POU2F1: variants seen among roughly 807,000 people sequenced by gnomAD.
POU2F1 encodes the protein POU domain, class 2, transcription factor 1.
Under a neutral mutation model 84.9 loss-of-function variants are expected in POU2F1, and 16 were observed. The ratio of observed to expected loss-of-function variants is 0.19; its 90% confidence interval spans 0.13 to 0.29. POU2F1 has a LOEUF of 0.29. Ranked by LOEUF, POU2F1 falls within the 10% of genes least tolerant of loss-of-function variation. POU2F1 has a pLI of 1.00. For synonymous variants in POU2F1, 368 were observed against 368.3 expected (o/e 1.00, Z 0.01); for missense variants, 738 against 942.6 (o/e 0.78, Z 2.84).
At chr1:167,236,787 A>G (rs1649491030) in intron 1 of POU2F1, among the ~76,000 whole-genome samples, 1 of 152,138 alleles carries the variant, frequency 6.6e-6, no homozygotes, top group South Asian at 2.1e-4. Flanking sequence ...GGAGAGTCAT[A>G]CCCTACTCTT....
At chr1:167,237,766 A>AAATTTTTTTTTTTT (rs1557836583) in intron 1 of POU2F1, among the ~76,000 whole-genome samples, 2 of 58,034 alleles carry the variant, frequency 3.4e-5, no homozygotes, top group Non-Finnish European at 6.6e-5. Context: ...ATATATATAT[A>AAATTTTTTTTTTTT]TATATATTTT....
At chr1:167,283,314 AAAAG>A (rs1330121120) in intron 1 of POU2F1, among the ~76,000 whole-genome samples, 1 of 152,152 alleles carries the variant, frequency 6.6e-6, no homozygotes, top group Non-Finnish European at 1.5e-5. Flanking sequence ...GAGGAAAAAA[AAAAG>A]AGGAAGAAGA....
chr1:167,229,311 T>G (rs1209491146), intron 1 of POU2F1, among the ~76,000 whole-genome samples: 1 of 152,074 alleles, frequency 6.6e-6, no homozygotes, highest in Non-Finnish European at 1.5e-5. Context: ...GTAGGGATGT[T>G]GGGAAAAGGA....
chr1:167,221,005 G>A, intron 1 of POU2F1, 47 bp downstream of exon 1: 2 of 1,460,196 alleles, frequency 1.4e-6, no homozygotes, highest in Admixed American at 2.0e-5. Flanking sequence ...CTCAACCCCG[G>A]CTCCCGCTGC....
intron 1 of POU2F1, among the ~76,000 whole-genome samples, chr1:167,263,463 G>A (rs1159364758): frequency 6.6e-5 from 10 of 151,600 alleles, no homozygotes; most frequent in East Asian, 3.9e-4. Context: ...GTTGCAGTGC[G>A]CCAAGATCGG....
In POU2F1 at chr1:167,415,754, G is replaced by T; in HGVS notation, c.2245G>T (p.Val749Leu). 1 of 1,614,116 alleles carries T rather than the reference G, an allele frequency of 6.2e-7. No individual in the cohort carries two copies. Among genetic ancestry groups the T allele is most frequent in the Non-Finnish European group, 8.5e-7 (1 of 1,180,022 alleles). ...GTCCATCCAGAACTCTCTCTTCACAGTGGCCTCTGCCAGCGGGGCTGCGTC... is the reference window on the plus strand; with the variant it reads ...GTCCATCCAGAACTCTCTCTTCACATTGGCCTCTGCCAGCGGGGCTGCGTC... ...AESIQNSLFTVASASGAASTT... is the reference protein window; with the variant it reads ...AESIQNSLFTLASASGAASTT... Residue 749 changes from valine (V) to leucine (L), a missense_variant, in exon 16 of 16, where the codon GTG becomes TTG. Coordinates refer to ENST00000367866, the MANE Select transcript of POU2F1 (RefSeq NM_002697.4).
At position 167,264,602 on chromosome 1, in the gene POU2F1, A is replaced by G. The variant is rs151326886; in HGVS notation, c.61+43644A>G. On this transcript the variant is annotated intron_variant, in intron 1 of 15. Transcript: ENST00000367866. ...TTTTAAAATATCACTGTGATTAATA[A>G]TATATCCAAAATTCAGCCACTTCTT... 6.3e-3 allele frequency among the ~76,000 whole-genome samples: 962 copies of G among 152,324 alleles called. 12 individuals are homozygous for G. The highest frequency in any genetic ancestry group is 0.021 in the African/African-American group (880 of 41,568).
chr1:167,280,337 T>G (rs1254947583), intron 1 of POU2F1, among the ~76,000 whole-genome samples: 1 of 152,082 alleles, frequency 6.6e-6, no homozygotes, highest in Non-Finnish European at 1.5e-5. Context: ...AGAGAGATTT[T>G]ATTGCCATTA....
chr1:167,315,960 T>C (rs1655864456), intron 1 of POU2F1, among the ~76,000 whole-genome samples: 1 of 152,120 alleles, frequency 6.6e-6, no homozygotes, highest in Non-Finnish European at 1.5e-5. Context: ...AAGTAAAAAA[T>C]GCCAATCTCA....
At chr1:167,253,565 A>G (rs1650900195) in intron 1 of POU2F1, among the ~76,000 whole-genome samples, 2 of 151,956 alleles carry the variant, frequency 1.3e-5, no homozygotes, top group Admixed American at 6.6e-5. Context: ...AGCTGGGACC[A>G]CAGGTGCCTG....
chr1:167,355,962 T>A (rs958950750), intron 2 of POU2F1, among the ~76,000 whole-genome samples: 4 of 151,956 alleles, frequency 2.6e-5, no homozygotes, highest in East Asian at 1.9e-4. Flanking sequence ...TATTATTATT[T>A]TTTGAGACAG....
Position 167,332,454 on chromosome 1 carries a change from C to T in POU2F1, c.62-16C>T, listed in dbSNP as rs369413277. On this transcript the variant is annotated splice_polypyrimidine_tract_variant and intron_variant, in intron 1 of 15. Transcript: ENST00000367866. The stretch of plus-strand genomic sequence containing the variant: ...CCAGTTTTTTAAAAACCTTATTCTC[C>T]TCTGATTTATTGCAGACTCAAGAAT... 12 of 1,598,938 alleles carry T rather than the reference C, an allele frequency of 7.5e-6. No homozygotes were observed. Among genetic ancestry groups the T allele is most frequent in the Non-Finnish European group, 1.0e-5 (12 of 1,166,682 alleles).
At chr1:167,399,386 G>C (rs1649035867) in intron 12 of POU2F1, 21 bp downstream of exon 12, 2 of 1,583,026 alleles carry the variant, frequency 1.3e-6, no homozygotes, top group East Asian at 2.3e-5. Flanking sequence ...AAAATAGGGA[G>C]TGCAAGCTCA....
intron 7 of POU2F1, among the ~76,000 whole-genome samples, chr1:167,377,463 T>C (rs1660408500): frequency 6.6e-6 from 1 of 152,088 alleles, no homozygotes; most frequent in Non-Finnish European, 1.5e-5. Context: ...GGCAGGCGCC[T>C]GTAGTCCCAG....
At chr1:167,379,485 C>T (rs1343935070) in intron 7 of POU2F1, 1 of 152,038 alleles carries the variant, frequency 6.6e-6, no homozygotes, top group African/African-American at 2.4e-5. Flanking sequence ...TAGGAAACTA[C>T]GAGGGTTGAT....
chr1:167,399,114 C>T (rs1008186270), intron 11 of POU2F1, 72 bp from the exon 12 acceptor site: 15 of 1,424,650 alleles, frequency 1.1e-5, no homozygotes, highest in East Asian at 4.6e-5. Flanking sequence ...TCTAACCTGA[C>T]GTGATTATGC....
chr1:167,237,181 T>C (rs1183581161), intron 1 of POU2F1, among the ~76,000 whole-genome samples: 2 of 152,188 alleles, frequency 1.3e-5, no homozygotes, highest in East Asian at 3.8e-4. Context: ...CATTGTAAAG[T>C]CTGTCAGTGG....
rs142551113 is a variant in POU2F1 at position 167,301,053 on chromosome 1, A to G, written c.62-31417A>G. On this transcript the variant is annotated intron_variant, in intron 1 of 15. Coordinates refer to ENST00000367866, the MANE Select transcript of POU2F1 (RefSeq NM_002697.4). ...CCAAAGTGCTGAGATTATAGGTGTG[A>G]CCCACCGTGCCCAGCTGTAAAAACT... Among the ~76,000 whole-genome samples, 135 of 152,326 alleles carry G rather than the reference A, an allele frequency of 8.9e-4. 2 individuals are homozygous for G. The East Asian group carries it at 0.018, about 20-fold the overall frequency.
At chr1:167,260,405 T>C (rs1651469136) in intron 1 of POU2F1, among the ~76,000 whole-genome samples, 1 of 152,194 alleles carries the variant, frequency 6.6e-6, no homozygotes, top group Non-Finnish European at 1.5e-5. Flanking sequence ...CCTTTTCCTT[T>C]ATGGTTTGTA....
Sources: allele counts gnomAD v4.1 joint callset (sites outside exome capture counted in the v4.1 genomes callset), GRCh38; gene constraint gnomAD v4.1.1; transcripts MANE v1.5; gene names NCBI Gene and HGNC (gene_info 2026-07-23, HGNC 2026-07-21).